Variants in PRELID2 observed in about 807,000 individuals in gnomAD.
PRELID2 encodes the protein PRELI domain-containing protein 2.
A neutral mutation model predicts 28.4 loss-of-function variants in PRELID2; 25 were observed. The ratio of observed to expected loss-of-function variants is 0.88; its 90% CI spans 0.64 to 1.23. The LOEUF (loss-of-function observed/expected upper bound fraction) is 1.23, where lower values mean the gene tolerates loss of function less well. Ranked by LOEUF, PRELID2 falls within the 50% of genes most tolerant of loss-of-function variation. The pLI is 0.00. For missense variants in PRELID2, 201 were observed against 214.4 expected, an observed-to-expected ratio of 0.94 and a Z score of 0.39; for synonymous variants, 76 against 71.6, an observed-to-expected ratio of 1.06 and a Z score of -0.31.
At chr5:145,528,438 G>T (rs1316170986) in intron 1 of PRELID2, among the ~76,000 whole-genome samples, 1 of 152,020 alleles carries the variant, frequency 6.6e-6, no homozygotes, top group Non-Finnish European at 1.5e-5. Flanking sequence ...CTTTATAAAG[G>T]AGCTGTTCAC....
At chr5:145,296,604 C>G in the PRELID2 span, among the ~76,000 whole-genome samples, 4 of 151,998 alleles carry the variant, frequency 2.6e-5, no homozygotes, top group Admixed American at 1.3e-4. Context: ...TTGGACATTT[C>G]GGTTGGCTCC....
chr5:145,279,576 T>A, the PRELID2 span, among the ~76,000 whole-genome samples: 1 of 152,158 alleles, frequency 6.6e-6, no homozygotes, highest in African/African-American at 2.4e-5. Flanking sequence ...TGGCTAGAAT[T>A]TCACAAACTC....
At chr5:145,409,699 G>T in the PRELID2 span, among the ~76,000 whole-genome samples, 43 of 149,856 alleles carry the variant, frequency 2.9e-4, no homozygotes, top group Non-Finnish European at 5.9e-4. Flanking sequence ...GGAACACGAG[G>T]TCAGGAGATC....
At chr5:145,338,114 TA>T in the PRELID2 span, 1 of 152,184 alleles carries the variant, frequency 6.6e-6, no homozygotes, top group Non-Finnish European at 1.5e-5. Context: ...AGTAATGTAT[TA>T]AAAAGCAGTG....
the PRELID2 span, among the ~76,000 whole-genome samples, chr5:145,405,608 G>A: frequency 6.6e-6 from 1 of 151,598 alleles, no homozygotes; most frequent in East Asian, 1.9e-4. Flanking sequence ...GCCTCAGGAA[G>A]CTTAGAATCA....
At chr5:145,590,017 G>A (rs1753206505) in intron 1 of PRELID2, among the ~76,000 whole-genome samples, 1 of 152,090 alleles carries the variant, frequency 6.6e-6, no homozygotes, top group Non-Finnish European at 1.5e-5. Flanking sequence ...TATGAATTAT[G>A]TACTAGGATT....
chr5:145,388,149 G>A, the PRELID2 span, among the ~76,000 whole-genome samples: 1 of 152,092 alleles, frequency 6.6e-6, no homozygotes, highest in African/African-American at 2.4e-5. Context: ...CAGTAAAGTA[G>A]GGAATTGAGT....
At chr5:145,645,590 T>C (rs1373190460) in intron 1 of PRELID2, among the ~76,000 whole-genome samples, 2 of 152,060 alleles carry the variant, frequency 1.3e-5, no homozygotes, top group Non-Finnish European at 2.9e-5. Context: ...TGCTAGATGG[T>C]TATTTTGCCC....
chr5:145,642,925 A>G (rs753856993), intron 1 of PRELID2, among the ~76,000 whole-genome samples: 15 of 152,284 alleles, frequency 9.9e-5, no homozygotes, highest in East Asian at 1.9e-4. Context: ...ATAGACTTGT[A>G]GTATAGTTTG....
At chr5:145,516,775 G>A (rs543754597) in intron 1 of PRELID2, among the ~76,000 whole-genome samples, 9 of 152,202 alleles carry the variant, frequency 5.9e-5, no homozygotes, top group African/African-American at 1.9e-4. Context: ...GCATGGTACT[G>A]GTACCAAAAC....
chr5:145,770,336 T>G (rs1039665258), intron 5 of PRELID2, among the ~76,000 whole-genome samples: 1 of 151,774 alleles, frequency 6.6e-6, no homozygotes, highest in Admixed American at 6.6e-5. Context: ...GGCAACATAG[T>G]AAGACCCCTT....
chr5:145,725,000 C>T (rs926747763), intron 1 of PRELID2, among the ~76,000 whole-genome samples: 1 of 151,874 alleles, frequency 6.6e-6, no homozygotes, highest in Non-Finnish European at 1.5e-5. Flanking sequence ...ACATCAGCCT[C>T]CCAACGTGCT....
chr5:145,522,757 A>AAGGAGG (rs10630945), intron 1 of PRELID2, among the ~76,000 whole-genome samples: 262 of 149,860 alleles, frequency 1.7e-3, no homozygotes, highest in African/African-American at 5.1e-3. Flanking sequence ...TTGGAAGAAA[A>AAGGAGG]AGGAGGAGGA....
the PRELID2 span, among the ~76,000 whole-genome samples, chr5:145,466,075 C>A: frequency 6.6e-6 from 1 of 151,916 alleles, no homozygotes; most frequent in Non-Finnish European, 1.5e-5. Flanking sequence ...TTTCTTTCTG[C>A]TGCTGTTCCA....
chr5:145,315,937 A>T, the PRELID2 span, among the ~76,000 whole-genome samples: 4 of 151,954 alleles, frequency 2.6e-5, no homozygotes, highest in South Asian at 6.2e-4. Context: ...TATACTCAAA[A>T]CTCATAATTT....
chr5:145,695,137 T>C (rs771289852), intron 1 of PRELID2, among the ~76,000 whole-genome samples: 2 of 152,106 alleles, frequency 1.3e-5, no homozygotes, highest in Non-Finnish European at 2.9e-5. Flanking sequence ...TAATTACAGA[T>C]TATCCTAAGC....
chr5:145,635,934 C>A (rs1374932663), intron 1 of PRELID2, among the ~76,000 whole-genome samples: 3 of 152,162 alleles, frequency 2.0e-5, no homozygotes, highest in Admixed American at 6.5e-5. Flanking sequence ...AATTCATATA[C>A]CTGTGATAAA....
intron 1 of PRELID2, among the ~76,000 whole-genome samples, chr5:145,542,030 T>G (rs1357438267): frequency 6.6e-6 from 1 of 152,100 alleles, no homozygotes; most frequent in Admixed American, 6.6e-5. Flanking sequence ...AATATAGAAA[T>G]ACAAAATTTA....
At chr5:145,551,933 C>A (rs978302562) in intron 1 of PRELID2, among the ~76,000 whole-genome samples, 2 of 152,118 alleles carry the variant, frequency 1.3e-5, no homozygotes, top group South Asian at 2.1e-4. Flanking sequence ...GCAATACATA[C>A]CCCAACCTCA....
Sources: allele counts gnomAD v4.1 joint callset (sites outside exome capture counted in the v4.1 genomes callset), GRCh38; gene constraint gnomAD v4.1.1; transcripts MANE v1.5; gene names NCBI Gene and HGNC (gene_info 2026-07-23, HGNC 2026-07-21).